Variants in MBOAT2 observed in about 807,000 individuals in gnomAD.
The protein encoded by MBOAT2 is membrane bound glycerophospholipid O-acyltransferase 2.
MBOAT2 carries 28 observed loss-of-function variants against 63.4 expected under a neutral mutation model. The ratio of observed to expected loss-of-function variants is 0.44; its 90% CI spans 0.33 to 0.61. The LOEUF (loss-of-function observed/expected upper bound fraction) is 0.61. Ranked by LOEUF, MBOAT2 falls within the 20% of genes least tolerant of loss-of-function variation. MBOAT2 has a pLI of 0.03. For missense variants in MBOAT2, 470 were observed against 605.8 expected, an observed-to-expected ratio of 0.78 and a Z score of 2.35; for synonymous variants, 211 against 215.6, an observed-to-expected ratio of 0.98 and a Z score of 0.19.
At chr2:8,974,375 C>G in intron 1 of MBOAT2, 1 of 456,378 alleles carries the variant, frequency 2.2e-6, no homozygotes, top group South Asian at 1.5e-5. Context: ...CCTGTGGACT[C>G]TGCCAGGTAC....
At chr2:8,861,476 A>G (rs1416608063) in intron 11 of MBOAT2, among the ~76,000 whole-genome samples, 1 of 152,244 alleles carries the variant, frequency 6.6e-6, no homozygotes, top group Non-Finnish European at 1.5e-5. Flanking sequence ...CCCGTACCTC[A>G]GGACAAATGG....
chr2:8,933,517 A>C lies in MBOAT2; in HGVS notation c.299+9670T>G, dbSNP rs78106754. On this transcript the variant is annotated intron_variant, in intron 3 of 12. Coordinates refer to ENST00000305997, the MANE Select transcript of MBOAT2 (RefSeq NM_138799.4). ...TCACCAAATCTGGCTAAGTTATACA[A>C]TTTTTATAGAGGCAGGGTTTCACTA... is the stretch of plus-strand genomic sequence containing the variant. Among the ~76,000 whole-genome samples the C allele has an allele frequency of 8.5e-3, 1,287 of 152,210 alleles. 12 individuals are homozygous for C. Among genetic ancestry groups the C allele is most frequent in the Non-Finnish European group, 0.015 (1,007 of 68,006 alleles).
At chr2:8,990,114 G>A (rs1455805556) in intron 1 of MBOAT2, among the ~76,000 whole-genome samples, 2 of 152,110 alleles carry the variant, frequency 1.3e-5, no homozygotes, top group Admixed American at 6.5e-5. Flanking sequence ...TCGACCCTCT[G>A]CTCTCTGAAA....
intron 3 of MBOAT2, among the ~76,000 whole-genome samples, chr2:8,929,602 G>C (rs1280212215): frequency 1.3e-5 from 2 of 152,196 alleles, no homozygotes; most frequent in Non-Finnish European, 2.9e-5. Context: ...ATCTGCCTGC[G>C]CTGGCCTCTC....
intron 4 of MBOAT2, among the ~76,000 whole-genome samples, chr2:8,891,316 G>A (rs1663979906): frequency 6.6e-6 from 1 of 152,222 alleles, no homozygotes; most frequent in Non-Finnish European, 1.5e-5. Context: ...AGTAAGGGAT[G>A]AGCAGATTAA....
At chr2:8,875,417 T>C (rs1001863834) in intron 7 of MBOAT2, among the ~76,000 whole-genome samples, 6 of 152,254 alleles carry the variant, frequency 3.9e-5, no homozygotes, top group African/African-American at 4.8e-5. Context: ...AGTGAAGTGA[T>C]AGAATATATA....
At chr2:8,908,569 C>A in intron 4 of MBOAT2, 52 bp downstream of exon 4, 1 of 995,952 alleles carries the variant, frequency 1.0e-6, no homozygotes, top group South Asian at 1.5e-5. Flanking sequence ...GTCCTTTAAC[C>A]ACCTTGTTGG....
intron 1 of MBOAT2, among the ~76,000 whole-genome samples, chr2:8,987,740 G>C (rs1013958980): frequency 9.9e-5 from 15 of 152,112 alleles, no homozygotes; most frequent in African/African-American, 3.6e-4. Context: ...TATATGCCCT[G>C]GGATTCCTCA....
intron 3 of MBOAT2, among the ~76,000 whole-genome samples, chr2:8,917,058 G>A (rs557404695): frequency 6.6e-6 from 1 of 152,142 alleles, no homozygotes; most frequent in South Asian, 2.1e-4. Context: ...AATAGTGCTG[G>A]GACAAATGAA....
At chr2:8,964,917 T>C (rs1669881329) in intron 1 of MBOAT2, among the ~76,000 whole-genome samples, 1 of 152,242 alleles carries the variant, frequency 6.6e-6, no homozygotes, top group South Asian at 2.1e-4. Flanking sequence ...TCTATCAGCT[T>C]GTCTTTTTCT....
At chr2:8,896,053 T>A (rs186789535) in intron 4 of MBOAT2, among the ~76,000 whole-genome samples, 82 of 151,856 alleles carry the variant, frequency 5.4e-4, no homozygotes, top group Middle Eastern at 3.4e-3. Context: ...CTGGCTAACA[T>A]GGTGAAATCC....
At chr2:8,970,648 G>A (rs533673950) in intron 1 of MBOAT2, among the ~76,000 whole-genome samples, 2 of 152,128 alleles carry the variant, frequency 1.3e-5, no homozygotes, top group South Asian at 4.1e-4. Flanking sequence ...GAAGAAATGA[G>A]AGAAGAATCA....
chr2:8,901,556 G>A (rs932918880), intron 4 of MBOAT2, among the ~76,000 whole-genome samples: 5 of 152,308 alleles, frequency 3.3e-5, no homozygotes, highest in African/African-American at 1.2e-4. Context: ...CCCTGAGGGA[G>A]GGAAGGGATC....
chr2:8,871,756 A>C lies in MBOAT2; in HGVS notation c.883+1352T>G, dbSNP rs73916023. ...ACTGAAAATAATGAATCCAGCCCCAAACTGTATTTCACTGTAATCAAAATA... is the reference window on the plus strand; with the variant it reads ...ACTGAAAATAATGAATCCAGCCCCACACTGTATTTCACTGTAATCAAAATA... On this transcript the variant is annotated intron_variant, in intron 8 of 12. Transcript: ENST00000305997. 4.6e-3 allele frequency among the ~76,000 whole-genome samples: 700 copies of C among 152,278 alleles called. 5 individuals are homozygous for C. The highest frequency in any genetic ancestry group is 0.016 in the African/African-American group (663 of 41,542).
intron 4 of MBOAT2, among the ~76,000 whole-genome samples, chr2:8,907,736 C>G (rs2148586727): frequency 6.6e-6 from 1 of 152,150 alleles, no homozygotes; most frequent in African/African-American, 2.4e-5. Context: ...TCATCTGAAC[C>G]TATTTTTAAA....
intron 12 of MBOAT2, among the ~76,000 whole-genome samples, chr2:8,859,483 T>C (rs1487638276): frequency 6.6e-6 from 1 of 152,228 alleles, no homozygotes; most frequent in Non-Finnish European, 1.5e-5. Context: ...TATCTATAAC[T>C]GTAAGTTCAA....
chr2:8,864,676 C>T (rs1241699038), intron 9 of MBOAT2, among the ~76,000 whole-genome samples: 2 of 152,086 alleles, frequency 1.3e-5, no homozygotes, highest in Non-Finnish European at 2.9e-5. Context: ...GGTGCCCTGG[C>T]TACTCTCAAT....
intron 2 of MBOAT2, among the ~76,000 whole-genome samples, chr2:8,945,994 CAAT>C (rs1413598402): frequency 2.0e-5 from 3 of 151,978 alleles, no homozygotes; most frequent in African/African-American, 7.3e-5. Context: ...GAGAGAAAGA[CAAT>C]AATAAATAGA....
At chr2:8,965,555 T>C (rs1427723683) in intron 1 of MBOAT2, among the ~76,000 whole-genome samples, 2 of 152,204 alleles carry the variant, frequency 1.3e-5, no homozygotes, top group Admixed American at 1.3e-4. Flanking sequence ...AATACAAAAA[T>C]GTTATCCACA....
Sources: allele counts gnomAD v4.1 joint callset (sites outside exome capture counted in the v4.1 genomes callset), GRCh38; gene constraint gnomAD v4.1.1; transcripts MANE v1.5; gene names NCBI Gene and HGNC (gene_info 2026-07-23, HGNC 2026-07-21).